The following BRAF variants were observed in gnomAD, a reference collection of about 807,000 sequenced individuals.
The protein encoded by BRAF is serine/threonine-protein kinase B-raf.
Under a neutral mutation model 104.6 loss-of-function variants are expected in BRAF, and 16 were observed. That is an observed-to-expected ratio of 0.15 (90% confidence interval 0.10 to 0.23). The LOEUF (loss-of-function observed/expected upper bound fraction) is 0.23. BRAF is among the 10% of genes least tolerant of loss of function. The pLI is 1.00. For synonymous variants in BRAF, 310 were observed against 341.6 expected (o/e 0.91, Z 1.02); for missense variants, 541 against 937.3 (o/e 0.58, Z 5.52).
At chr7:140,853,316 G>A (rs116552136) in intron 1 of BRAF, among the ~76,000 whole-genome samples, 4,183 of 151,978 alleles carry the variant, frequency 0.028, 199 homozygotes, top group African/African-American at 0.094. Flanking sequence ...AGTTGAGGCT[G>A]CAATGAGCTG....
At position 140,722,028 on chromosome 7, in the gene BRAF, C is replaced by A; in HGVS notation, c.*4466G>T. 1 of 1,135,506 alleles carries A rather than the reference C, an allele frequency of 8.8e-7. No homozygotes were observed. Among genetic ancestry groups the A allele is most frequent in the Non-Finnish European group, 1.1e-6 (1 of 926,596 alleles). The allele number at this position is 1,135,506 out of a possible 1,614,324, so 70.3% of individuals were successfully genotyped here. A position where few individuals can be genotyped will look rare whatever the true frequency, so the allele number is the denominator to read the frequency against. On this transcript the variant is annotated 3_prime_UTR_variant, in exon 20 of 20. Transcript: ENST00000644969. ...CCCCTTCTAAGTTAATACATGATTG[C>A]TGCCCATCATACAGTACTTCAACCC...
In BRAF at chr7:140,734,634, A is replaced by G. The variant is rs764565088; in HGVS notation, c.2384T>C (p.Ile795Thr). The part of the protein sequence containing the change: ...LYACASPKTP[I>T]QAGGYGEFAA... Reference sequence around the variant, plus strand: ...AAACGCACCATATCCCCCTGCCTGGATGGGTGTTTTTGGAGAAGCACAAGC... The same window carrying G: ...AAACGCACCATATCCCCCTGCCTGGGTGGGTGTTTTTGGAGAAGCACAAGC... The change falls in exon 19 of 20, where the codon ATC becomes ACC. Residue 795 changes from isoleucine to threonine, a missense_variant. By Grantham distance (89) the Ile-to-Thr change is moderately conservative. Around this residue, in one of 10 missense-constraint regions of BRAF, gnomAD observed 129 missense variants for 285.8 expected, o/e 0.45. Transcript: ENST00000644969. The G allele has an allele frequency of 6.2e-7, 1 of 1,613,910 alleles. No individual in the cohort carries two copies. Among genetic ancestry groups the G allele is most frequent in the East Asian group, 2.2e-5 (1 of 44,874 alleles).
chr7:140,918,254 A>C (rs556124906), intron 1 of BRAF, among the ~76,000 whole-genome samples: 7 of 152,184 alleles, frequency 4.6e-5, no homozygotes, highest in Non-Finnish European at 1.0e-4. Flanking sequence ...GACCAATTTC[A>C]TGGAAGACAA....
intron 9 of BRAF, 112 bp downstream of exon 9, chr7:140,787,436 T>C (rs1457959189): frequency 3.3e-6 from 4 of 1,199,878 alleles, no homozygotes; most frequent in Non-Finnish European, 4.8e-6. Context: ...TGGGTTTCTC[T>C]ACACATTTTT....
At chr7:140,897,647 A>C (rs949161449) in intron 1 of BRAF, among the ~76,000 whole-genome samples, 15 of 151,012 alleles carry the variant, frequency 9.9e-5, no homozygotes, top group African/African-American at 3.6e-4. Context: ...GGCACACACC[A>C]CCACGTCCAG....
Position 140,720,707 on chromosome 7 carries a change from T to A in BRAF, c.*5787A>T. On this transcript the variant is annotated 3_prime_UTR_variant, in exon 20 of 20. Transcript: ENST00000644969. The stretch of plus-strand genomic sequence containing the variant: ...CTCTGTTCTCTACATCTGTGCCTAC[T>A]CTGTGAGCTTTGTTGTTTATGCTAG... 7 of 1,065,964 alleles carry A rather than the reference T, an allele frequency of 6.6e-6. No homozygotes were observed. Among genetic ancestry groups the A allele is most frequent in the Non-Finnish European group, 6.8e-6 (6 of 879,668 alleles). 66.0% of individuals were successfully genotyped at this position (1,065,964 alleles called of 1,614,324 possible).
Position 140,725,225 on chromosome 7 carries a change from C to G in BRAF, c.*1269G>C, listed in dbSNP as rs1329199315. 3 of 1,044,038 alleles carry G rather than the reference C, an allele frequency of 2.9e-6. No homozygotes were observed. The East Asian group carries it at 1.7e-4, about 59-fold the overall frequency. The allele number at this position is 1,044,038 out of a possible 1,614,324, so 64.7% of individuals were successfully genotyped here. A position where few individuals can be genotyped will look rare whatever the true frequency, so the allele number is the denominator to read the frequency against. ...AGATGTGGGATATAGTGTTAGGAATCAGTTGGAAGAAACAATGAGATTATT... is the reference window on the plus strand; with the variant it reads ...AGATGTGGGATATAGTGTTAGGAATGAGTTGGAAGAAACAATGAGATTATT... On this transcript the variant is annotated 3_prime_UTR_variant, in exon 20 of 20. Transcript: ENST00000644969.
chr7:140,754,989 A>C (rs1300755649), intron 14 of BRAF, among the ~76,000 whole-genome samples: 1 of 152,188 alleles, frequency 6.6e-6, no homozygotes, highest in Non-Finnish European at 1.5e-5. Context: ...CTTTAGCTAC[A>C]TTCATTGAAG....
intron 6 of BRAF, among the ~76,000 whole-genome samples, 164 bp from the exon 7 acceptor site, chr7:140,800,645 T>C (rs1443068879): frequency 1.3e-5 from 2 of 152,216 alleles, no homozygotes; most frequent in South Asian, 2.1e-4. Context: ...TTAAAAAAAA[T>C]TGTATTGCAC....
intron 5 of BRAF, among the ~76,000 whole-genome samples, chr7:140,802,136 G>A (rs6964724): frequency 0.3 from 45,306 of 151,872 alleles, 10,775 homozygotes; most frequent in African/African-American, 0.66. Flanking sequence ...AAAGATAATT[G>A]CAGTCATGTG....
chr7:140,734,286 G>T, intron 19 of BRAF: 1 of 1,228,342 alleles, frequency 8.1e-7, no homozygotes, highest in Non-Finnish European at 1.0e-6. Flanking sequence ...AGTTGCATGA[G>T]AAACTGAAGT....
At chr7:140,885,325 A>AT (rs1464450682) in intron 1 of BRAF, among the ~76,000 whole-genome samples, 11 of 151,686 alleles carry the variant, frequency 7.3e-5, no homozygotes, top group African/African-American at 2.4e-4. Context: ...TAAAAAAAAA[A>AT]ATTTTTTTTT....
intron 1 of BRAF, among the ~76,000 whole-genome samples, chr7:140,906,241 G>A (rs1369041515): frequency 2.6e-5 from 4 of 151,726 alleles, no homozygotes; most frequent in African/African-American, 9.7e-5. Flanking sequence ...TCAGTCTGTT[G>A]CCCAGGCTGG....
At position 140,746,195 on chromosome 7, in the gene BRAF, T is replaced by C. The variant is rs550748172; in HGVS notation, c.2112+3092A>G. Among the ~76,000 whole-genome samples, 88 of 152,274 alleles carry C rather than the reference T, an allele frequency of 5.8e-4. 2 individuals are homozygous for C. The South Asian group carries it at 0.014, about 25-fold the overall frequency. On this transcript the variant is annotated intron_variant, in intron 17 of 19. Coordinates refer to ENST00000644969, the MANE Select transcript of BRAF (RefSeq NM_001374258.1). ...AATAATACACTTGAAATAACAGATA[T>C]ATGCTATCTATTCTTCAAAGAAGAC...
chr7:140,757,580 G>A (rs936525471), intron 14 of BRAF, among the ~76,000 whole-genome samples: 5 of 152,174 alleles, frequency 3.3e-5, no homozygotes, highest in African/African-American at 4.8e-5. Flanking sequence ...GAGCCACCAC[G>A]CCCAGCCTTA....
chr7:140,734,392 T>A, intron 19 of BRAF: 1 of 1,436,330 alleles, frequency 7.0e-7, no homozygotes, highest in Non-Finnish European at 9.1e-7. Flanking sequence ...TGTCTATGTA[T>A]TTTAACCCTT....
chr7:140,884,698 A>G (rs1813359887), intron 1 of BRAF, among the ~76,000 whole-genome samples: 1 of 151,834 alleles, frequency 6.6e-6, no homozygotes, highest in South Asian at 2.1e-4. Flanking sequence ...ATCTTCCTGC[A>G]TTGGCCTCCC....
Position 140,724,282 on chromosome 7 carries a change from C to T in BRAF, c.*2212G>A, listed in dbSNP as rs114228823. On this transcript the variant is annotated 3_prime_UTR_variant, in exon 20 of 20. Coordinates refer to ENST00000644969, the MANE Select transcript of BRAF (RefSeq NM_001374258.1). ...CTCAGCAGGACATGAAACACATCCT[C>T]TTGTTCAAGCCCAGGTCTCTCTACC... 1.1e-3 allele frequency: 1,133 copies of T among 1,058,102 alleles called. 9 individuals carry two copies. The African/African-American group carries it at 0.017, about 16-fold the overall frequency. The allele number at this position is 1,058,102 out of a possible 1,614,324, so 65.5% of individuals were successfully genotyped here. A position where few individuals can be genotyped will look rare whatever the true frequency, so the allele number is the denominator to read the frequency against.
intron 1 of BRAF, among the ~76,000 whole-genome samples, chr7:140,865,078 G>C (rs970037056): frequency 2.8e-5 from 4 of 143,022 alleles, no homozygotes; most frequent in Admixed American, 2.7e-4. Context: ...TGGAGGAAAT[G>C]AATTTTTTTT....
Sources: allele counts gnomAD v4.1 joint callset (sites outside exome capture counted in the v4.1 genomes callset), GRCh38; gene constraint gnomAD v4.1.1; regional missense constraint gnomAD v4.1.1; transcripts MANE v1.5; gene names NCBI Gene and HGNC (gene_info 2026-07-23, HGNC 2026-07-21).